TTLL5: variants seen among roughly 807,000 people sequenced by gnomAD.
TTLL5 encodes tubulin tyrosine ligase like 5.
A neutral mutation model predicts 168.4 loss-of-function variants in TTLL5; 132 were observed. The observed-to-expected ratio is 0.78, with a 90% confidence interval of 0.68 to 0.91. The LOEUF (loss-of-function observed/expected upper bound fraction) is 0.91. Among genes scored for constraint, TTLL5 ranks in the 40% least tolerant of loss-of-function variants. TTLL5 has a pLI of 0.00. For missense variants in TTLL5, 1,545 were observed against 1,581.5 expected, an observed-to-expected ratio of 0.98 and a Z score of 0.39; for synonymous variants, 546 against 558.6, an observed-to-expected ratio of 0.98 and a Z score of 0.32.
At chr14:75,673,979 A>C (rs1389879620) in intron 3 of TTLL5, among the ~76,000 whole-genome samples, 1 of 152,204 alleles carries the variant, frequency 6.6e-6, no homozygotes, top group Non-Finnish European at 1.5e-5. Flanking sequence ...TATTCCCCCC[A>C]AACATACTTC....
intron 2 of TTLL5, among the ~76,000 whole-genome samples, chr14:75,667,530 A>G (rs113655016): frequency 6.0e-4 from 92 of 152,354 alleles, no homozygotes; most frequent in African/African-American, 2.2e-3. Flanking sequence ...AAGGTACCCT[A>G]TCAGCACCGT....
At position 75,863,683 on chromosome 14, in the gene TTLL5, G is replaced by A. The variant is rs1409530555; in HGVS notation, c.3343G>A (p.Gly1115Arg). 2.5e-6 allele frequency: 4 copies of A among 1,610,222 alleles called. No individual in the cohort carries two copies. Among genetic ancestry groups the A allele is most frequent in the African/African-American group, 1.3e-5 (1 of 74,694 alleles). The change falls in exon 29 of 32, where the codon GGA becomes AGA. Residue 1115 changes from glycine to arginine, a missense_variant. Physicochemically the swap from Gly to Arg is moderately radical, Grantham distance 125 (BLOSUM62 -2). Coordinates refer to ENST00000298832, the MANE Select transcript of TTLL5 (RefSeq NM_015072.5). ...TCTCTTCAGGAGCCTGCAGACAGGG[G>A]GATTTGCCTGGGAAGGAGAAGTAGA... Reference protein sequence around the residue: ...SPGSRSLQTGGFAWEGEVENN... With the variant: ...SPGSRSLQTGRFAWEGEVENN...
intron 12 of TTLL5, 46 bp downstream of exon 12, chr14:75,720,749 G>T: frequency 6.5e-7 from 1 of 1,533,410 alleles, no homozygotes; most frequent in South Asian, 1.1e-5. Flanking sequence ...AGAGGATCTT[G>T]GGAAGTTGGA....
chr14:75,904,812 T>C (rs553387180), intron 31 of TTLL5, among the ~76,000 whole-genome samples: 72 of 152,340 alleles, frequency 4.7e-4, no homozygotes, highest in Non-Finnish European at 8.7e-4. Context: ...GTTTCTACTC[T>C]GATTTTTCTG....
rs1892809955 is a variant in TTLL5, at chr14:75,793,017, A to G, written c.3088A>G (p.Thr1030Ala). 1 of 1,613,954 alleles carries G rather than the reference A, an allele frequency of 6.2e-7. No individual in the cohort carries two copies. Among genetic ancestry groups the G allele is most frequent in the Non-Finnish European group, 8.5e-7 (1 of 1,179,858 alleles). Reference protein sequence around the residue: ...YSKRYNQSMVTAELQRLAEKQ... With the variant: ...YSKRYNQSMVAAELQRLAEKQ... ...CAAACGGTACAACCAAAGTATGGTTACAGCTGAACTTCAGCGGCTAGCTGA... is the reference window on the plus strand; with the variant it reads ...CAAACGGTACAACCAAAGTATGGTTGCAGCTGAACTTCAGCGGCTAGCTGA... The change falls in exon 27 of 32, where the codon ACA becomes GCA. Residue 1030 changes from threonine to alanine, a missense_variant. Physicochemically the swap from Thr to Ala is moderately conservative, Grantham distance 58. Coordinates refer to ENST00000298832, the MANE Select transcript of TTLL5 (RefSeq NM_015072.5).
At chr14:75,735,421 G>A (rs1327278320) in intron 15 of TTLL5, 132 bp downstream of exon 15, 15 of 788,902 alleles carry the variant, frequency 1.9e-5, no homozygotes, top group Non-Finnish European at 3.0e-5. Flanking sequence ...ACTCTAGACA[G>A]GAGGCAGTTA....
rs570518130 is a variant in TTLL5 at position 75,918,016 on chromosome 14, G to T, written c.3823+15792G>T. ...TGAGGAGCCAGGCTGCTCTCTTTCT[G>T]CTCTACTAACTCTAATGCATTGGCT... On this transcript the variant is annotated intron_variant, in intron 31 of 31. Transcript: ENST00000298832. Among the ~76,000 whole-genome samples, 3 of 152,306 alleles carry T rather than the reference G, an allele frequency of 2.0e-5. No homozygotes were observed. The South Asian group carries it at 6.2e-4, about 32-fold the overall frequency.
intron 28 of TTLL5, among the ~76,000 whole-genome samples, chr14:75,862,651 G>A (rs2030114827): frequency 6.6e-6 from 1 of 152,166 alleles, no homozygotes; most frequent in East Asian, 1.9e-4. Flanking sequence ...CCAGAATCTA[G>A]AATTTGGAGC....
intron 26 of TTLL5, among the ~76,000 whole-genome samples, chr14:75,785,910 G>A (rs1350307062): frequency 6.6e-6 from 1 of 152,116 alleles, no homozygotes; most frequent in Non-Finnish European, 1.5e-5. Flanking sequence ...TCAAGAAAAG[G>A]CAGATGGGAT....
In TTLL5 at chr14:75,766,219, G is replaced by T. The variant is rs749514337; in HGVS notation, c.1866G>T (p.Leu622Phe). Residue 622 changes from leucine (L) to phenylalanine (F), a missense_variant, in exon 20 of 32, where the codon TTG becomes TTT. Physicochemically the swap from Leu to Phe is conservative, Grantham distance 22. Transcript: ENST00000298832. ...RENQAKYTPS[L>F]TALVENTPKE... ...ATCAAGCCAAATATACACCCTCATT[G>T]ACAGCTTTGGTAGAAAATACACCCA... 3.0e-5 allele frequency: 49 copies of T among 1,613,880 alleles called. No individual in the cohort carries two copies. Among genetic ancestry groups the T allele is most frequent in the Non-Finnish European group, 4.0e-5 (47 of 1,179,980 alleles).
At chr14:75,756,723 A>T (rs1454699511) in intron 18 of TTLL5, among the ~76,000 whole-genome samples, 1 of 151,962 alleles carries the variant, frequency 6.6e-6, no homozygotes, top group Non-Finnish European at 1.5e-5. Context: ...GGCCAAGCTG[A>T]TCGCGAACTC....
chr14:75,707,778 T>A, intron 9 of TTLL5, 71 bp downstream of exon 9: 2 of 1,236,136 alleles, frequency 1.6e-6, no homozygotes, highest in Admixed American at 3.8e-5. Flanking sequence ...AGTGGATCCA[T>A]TAACAAGTTT....
At chr14:75,692,566 G>A (rs1211617575) in intron 6 of TTLL5, among the ~76,000 whole-genome samples, 2 of 152,172 alleles carry the variant, frequency 1.3e-5, no homozygotes, top group Non-Finnish European at 2.9e-5. Context: ...TATGTGAAAT[G>A]AGTCGGTGGA....
In TTLL5 at chr14:75,790,370, A is replaced by G. The variant is rs184081215; in HGVS notation, c.2987-2546A>G. On this transcript the variant is annotated intron_variant, in intron 26 of 31. Coordinates refer to ENST00000298832, the MANE Select transcript of TTLL5 (RefSeq NM_015072.5). ...AAGAGGTAGCATGTTCAACATCATC[A>G]TTAATCAGGTACATGAAGACTACAA... 2.0e-3 allele frequency among the ~76,000 whole-genome samples: 312 copies of G among 152,328 alleles called. 2 individuals carry two copies. The highest frequency in any genetic ancestry group is 7.3e-3 in the African/African-American group (302 of 41,578).
At chr14:75,902,334 A>G in intron 31 of TTLL5, 110 bp downstream of exon 31, 1 of 1,124,112 alleles carries the variant, frequency 8.9e-7, no homozygotes, top group East Asian at 2.5e-5. Context: ...AGAATGAAAC[A>G]TCTAGCCTCT....
intron 12 of TTLL5, among the ~76,000 whole-genome samples, chr14:75,724,761 C>T (rs1334856082): frequency 6.6e-6 from 1 of 152,058 alleles, no homozygotes; most frequent in Non-Finnish European, 1.5e-5. Flanking sequence ...AGATTTTTTA[C>T]AATCTAATTT....
Position 75,882,903 on chromosome 14 carries a change from G to A in TTLL5, c.3740+1G>A. Reference sequence around the variant, plus strand: ...GGGCAACATCCCAGAAAGCTTCCAAGTAAGTTTTTTTCTGTTCAATTTCTA... The same window carrying A: ...GGGCAACATCCCAGAAAGCTTCCAAATAAGTTTTTTTCTGTTCAATTTCTA... On this transcript the variant is annotated splice_donor_variant, in intron 30 of 31. Coordinates refer to ENST00000298832, the MANE Select transcript of TTLL5 (RefSeq NM_015072.5). LOFTEE classifies it high-confidence loss of function. 1 of 1,613,950 alleles carries A rather than the reference G, an allele frequency of 6.2e-7. No individual in the cohort carries two copies. Among genetic ancestry groups the A allele is most frequent in the Admixed American group, 1.7e-5 (1 of 60,000 alleles).
chr14:75,773,971 G>GAGAAAGAGAGAA (rs1566598300), intron 21 of TTLL5, among the ~76,000 whole-genome samples: 2 of 126,634 alleles, frequency 1.6e-5, no homozygotes, highest in African/African-American at 6.9e-5. Flanking sequence ...GAGAGAGAGA[G>GAGAAAGAGAGAA]AGAGAGAGAG....
intron 27 of TTLL5, among the ~76,000 whole-genome samples, chr14:75,793,530 A>G (rs767816661): frequency 2.0e-5 from 3 of 152,146 alleles, no homozygotes; most frequent in Non-Finnish European, 4.4e-5. Context: ...AGGATGTTTT[A>G]TGGGTAACTG....
Sources: gnomAD v4.1 joint callset for allele counts (sites outside exome capture counted in the v4.1 genomes callset) on GRCh38, gnomAD v4.1.1 for gene constraint, MANE v1.5 for transcripts, NCBI Gene and HGNC (gene_info 2026-07-23, HGNC 2026-07-21) for gene names.